Variants in NDFIP1 observed in about 807,000 individuals in gnomAD.
The protein encoded by NDFIP1 is NEDD4 family-interacting protein 1.
NDFIP1 carries 7 observed loss-of-function variants against 28.8 expected under a neutral mutation model. The observed-to-expected ratio is 0.24, with a 90% CI of 0.14 to 0.46. The LOEUF (loss-of-function observed/expected upper bound fraction) is 0.46, where lower values mean the gene tolerates loss of function less well. Ranked by LOEUF, NDFIP1 falls within the 20% of genes least tolerant of loss-of-function variation. The probability of loss-of-function intolerance (pLI) is 0.99; values close to 1 mark genes in which losing one functional copy is unlikely to be tolerated. For missense variants in NDFIP1, 194 were observed against 269.1 expected, an observed-to-expected ratio of 0.72 and a Z score of 1.95; for synonymous variants, 92 against 101.0, an observed-to-expected ratio of 0.91 and a Z score of 0.53.
At chr5:142,115,556 A>G (rs1757058504) in intron 1 of NDFIP1, among the ~76,000 whole-genome samples, 1 of 152,156 alleles carries the variant, frequency 6.6e-6, no homozygotes, top group Admixed American at 6.5e-5. Flanking sequence ...AAGTGCTGGG[A>G]TTACAGGTGT....
intron 1 of NDFIP1, among the ~76,000 whole-genome samples, chr5:142,131,042 C>A (rs1484928213): frequency 1.3e-5 from 2 of 151,948 alleles, no homozygotes; most frequent in Non-Finnish European, 1.5e-5. Context: ...GCAGCCACGA[C>A]CTCCTGGGTT....
intron 1 of NDFIP1, among the ~76,000 whole-genome samples, chr5:142,114,309 ATAAT>A (rs746546093): frequency 6.6e-5 from 10 of 152,078 alleles, no homozygotes; most frequent in Non-Finnish European, 1.5e-4. Context: ...TATTTCCCTA[ATAAT>A]TAGCGATGTT....
intron 7 of NDFIP1, among the ~76,000 whole-genome samples, chr5:142,147,248 G>A (rs967857067): frequency 2.0e-5 from 3 of 152,126 alleles, no homozygotes; most frequent in South Asian, 2.1e-4. Context: ...TCCCCAGAGG[G>A]AACCTGAAAA....
chr5:142,117,351 C>G (rs562228281), intron 1 of NDFIP1, among the ~76,000 whole-genome samples: 2 of 150,794 alleles, frequency 1.3e-5, no homozygotes, highest in South Asian at 4.2e-4. Context: ...TCAAGTGATT[C>G]TCCTGCCTCA....
At chr5:142,123,017 C>T (rs1757135861) in intron 1 of NDFIP1, among the ~76,000 whole-genome samples, 1 of 151,450 alleles carries the variant, frequency 6.6e-6, no homozygotes, top group Non-Finnish European at 1.5e-5. Flanking sequence ...GGCTGGAGTG[C>T]AGTGGGGTAA....
At chr5:142,125,798 C>T (rs1362941371) in intron 1 of NDFIP1, among the ~76,000 whole-genome samples, 1 of 152,146 alleles carries the variant, frequency 6.6e-6, no homozygotes, top group Non-Finnish European at 1.5e-5. Flanking sequence ...TTTATTATAG[C>T]CATCCTAGTA....
At chr5:142,118,770 T>A (rs1757094588) in intron 1 of NDFIP1, among the ~76,000 whole-genome samples, 1 of 152,236 alleles carries the variant, frequency 6.6e-6, no homozygotes, top group Non-Finnish European at 1.5e-5. Flanking sequence ...AGTATTTATA[T>A]CTGTATAGAC....
At chr5:142,120,362 C>G (rs1448553168) in intron 1 of NDFIP1, among the ~76,000 whole-genome samples, 1 of 152,168 alleles carries the variant, frequency 6.6e-6, no homozygotes, top group Non-Finnish European at 1.5e-5. Flanking sequence ...CTACCAGTAC[C>G]TGGTGCCACC....
chr5:142,141,804 TC>T (rs1471390114), intron 6 of NDFIP1, among the ~76,000 whole-genome samples: 1 of 151,998 alleles, frequency 6.6e-6, no homozygotes, highest in Non-Finnish European at 1.5e-5. Context: ...GGCTAGGACA[TC>T]CTGGCACCCA....
At chr5:142,132,688 T>C (rs914984578) in intron 3 of NDFIP1, among the ~76,000 whole-genome samples, 3 of 152,194 alleles carry the variant, frequency 2.0e-5, no homozygotes, top group African/African-American at 7.2e-5. Context: ...TAGGGAGGTC[T>C]AGGAAGAGAA....
At chr5:142,123,088 A>G (rs543004279) in intron 1 of NDFIP1, among the ~76,000 whole-genome samples, 149 of 151,934 alleles carry the variant, frequency 9.8e-4, no homozygotes, top group Non-Finnish European at 1.2e-3. Context: ...TCAGCCTCCC[A>G]AGTAGCTGGG....
Position 142,144,638 on chromosome 5 carries a change from A to G in NDFIP1, c.630A>G (p.Ser210=). The change falls in exon 7 of 8, where the codon TCA becomes TCG. Residue 210 remains serine (S), a synonymous_variant. Transcript: ENST00000253814. ...TTCGGAAGATGCCAGAAACTTTCTC[A>G]AATCTCCCCAGGACCAGAGTTCTCT... ...AKVRKMPETF[S]NLPRTRVLFI... 6.2e-7 allele frequency: 1 copy of G among 1,612,676 alleles called. No homozygotes were observed.
intron 7 of NDFIP1, among the ~76,000 whole-genome samples, chr5:142,148,342 A>G (rs1223566456): frequency 6.6e-6 from 1 of 152,228 alleles, no homozygotes; most frequent in Non-Finnish European, 1.5e-5. Context: ...TCCTTTTCAG[A>G]GTCCATTTAA....
At chr5:142,141,398 G>T (rs191305750) in intron 6 of NDFIP1, among the ~76,000 whole-genome samples, 1 of 151,628 alleles carries the variant, frequency 6.6e-6, no homozygotes, top group Non-Finnish European at 1.5e-5. Context: ...GGATGGTCTC[G>T]ATCTCCTGAC....
intron 1 of NDFIP1, among the ~76,000 whole-genome samples, chr5:142,122,520 G>C (rs1417168182): frequency 6.6e-6 from 1 of 152,164 alleles, no homozygotes; most frequent in African/African-American, 2.4e-5. Context: ...ATAACTAGGA[G>C]TGGAATTGCT....
chr5:142,125,309 T>A (rs1221663481), intron 1 of NDFIP1, among the ~76,000 whole-genome samples: 1 of 152,222 alleles, frequency 6.6e-6, no homozygotes, highest in African/African-American at 2.4e-5. Flanking sequence ...TGAACTTGTT[T>A]TCAGTTCTCT....
At position 142,144,589 on chromosome 5, in the gene NDFIP1, G is replaced by C. The variant is rs1561604965; in HGVS notation, c.581G>C (p.Arg194Thr). ...AAATTAGGCTTTCTCCTGTTTCTCAGAGGATTTATCAATTATGCAAAAGTT... is the reference window on the plus strand; with the variant it reads ...AAATTAGGCTTTCTCCTGTTTCTCACAGGATTTATCAATTATGCAAAAGTT... ...FLVLGFLLFL[R>T]GFINYAKVRK... is the part of the protein sequence containing the mutation. The change falls in exon 7 of 8, where the codon AGA (arginine) becomes ACA (threonine). Residue 194 changes from arginine to threonine, a missense_variant. Transcript: ENST00000253814. 1 of 1,611,094 alleles carries C rather than the reference G, an allele frequency of 6.2e-7. No homozygotes were observed. The highest frequency in any genetic ancestry group is 1.3e-5 in the African/African-American group (1 of 74,886).
chr5:142,110,288 C>CT (rs1462404774), intron 1 of NDFIP1, among the ~76,000 whole-genome samples: 2 of 152,020 alleles, frequency 1.3e-5, no homozygotes, highest in African/African-American at 2.4e-5. Flanking sequence ...CTAGCACATG[C>CT]TTTTTTTCTA....
At chr5:142,109,929 G>C (rs1005719472) in intron 1 of NDFIP1, among the ~76,000 whole-genome samples, 1 of 152,192 alleles carries the variant, frequency 6.6e-6, no homozygotes, top group Non-Finnish European at 1.5e-5. Context: ...AACTGATGTT[G>C]ATTGGAACCG....
Sources: gnomAD v4.1 joint callset for allele counts (sites outside exome capture counted in the v4.1 genomes callset) on GRCh38, gnomAD v4.1.1 for gene constraint, MANE v1.5 for transcripts, NCBI Gene and HGNC (gene_info 2026-07-23, HGNC 2026-07-21) for gene names.